Variants in KRT19 observed in about 807,000 individuals in gnomAD.
KRT19 encodes the protein keratin 19, also known as keratin, type I cytoskeletal 19.
A neutral mutation model predicts 34.6 loss-of-function variants in KRT19; 21 were observed. That is an observed-to-expected ratio of 0.61 (90% CI 0.43 to 0.87). KRT19 has a LOEUF of 0.87. KRT19 is among the 40% of genes least tolerant of loss of function. The pLI, the probability that KRT19 is intolerant of heterozygous loss-of-function variation, is 0.00. For missense variants in KRT19, 514 were observed against 545.7 expected, an observed-to-expected ratio of 0.94 and a Z score of 0.58; for synonymous variants, 240 against 245.8, an observed-to-expected ratio of 0.98 and a Z score of 0.22.
intron 1 of KRT19, among the ~76,000 whole-genome samples, chr17:41,525,917 A>T (rs1430104408): frequency 6.6e-6 from 1 of 152,178 alleles, no homozygotes; most frequent in Non-Finnish European, 1.5e-5. Context: ...CTCATTAGTC[A>T]AGGCACCAGG....
Position 41,524,170 on chromosome 17 carries a change from C to T in KRT19, c.921G>A (p.Glu307=), listed in dbSNP as rs559126197. The stretch of plus-strand genomic sequence containing the variant: ...TGCTCAGCTGTGACTGCAGCTCAAT[C>T]TCAAGACCCTGAAGGGTGCGCCGCA... ...TDLRRTLQGL[E]IELQSQLSMK... The change falls in exon 5 of 6, where the codon GAG becomes GAA. Residue 307 remains glutamate, a synonymous_variant. Transcript: ENST00000361566. The T allele has an allele frequency of 3.1e-6, 5 of 1,614,058 alleles. No homozygotes were observed. The East Asian group carries it at 1.1e-4, about 36-fold the overall frequency.
Position 41,524,483 on chromosome 17 carries a change from C to T in KRT19, c.718G>A (p.Ala240Thr), listed in dbSNP as rs374424990. 4 of 1,614,104 alleles carry T rather than the reference C, an allele frequency of 2.5e-6. No homozygotes were observed. The highest frequency in any genetic ancestry group is 1.1e-5 in the South Asian group (1 of 91,078). Residue 240 changes from alanine to threonine, a missense_variant, in exon 4 of 6, where the codon GCT (alanine) becomes ACT (threonine). By Grantham distance (58) the Ala-to-Thr change is moderately conservative (BLOSUM62 0). Transcript: ENST00000361566. ...GGQVSVEVDS[A>T]PGTDLAKILS... is the part of the protein sequence containing the mutation. ...ATCTTGGCGAGATCGGTGCCCGGAGCGGAATCCACCTCCACACTGACCTGG... is the reference window on the plus strand; with the variant it reads ...ATCTTGGCGAGATCGGTGCCCGGAGTGGAATCCACCTCCACACTGACCTGG...
Position 41,524,970 on chromosome 17 carries a change from C to T in KRT19, c.533G>A (p.Ser178Asn). The change falls in exon 3 of 6, where the codon AGC (serine) becomes AAC (asparagine). Residue 178 changes from serine to asparagine, a missense_variant. Physicochemically the swap from Ser to Asn is conservative, Grantham distance 46 (BLOSUM62 1). Transcript: ENST00000361566. ...KFETEQALRM[S>N]VEADINGLRR... ...CAGGCCGTTGATGTCGGCCTCCACG[C>T]TCATGCGCAGAGCCTGTTCCGTCTC... 1 of 1,614,272 alleles carries T rather than the reference C, an allele frequency of 6.2e-7. No individual in the cohort carries two copies. Among genetic ancestry groups the T allele is most frequent in the Non-Finnish European group, 8.5e-7 (1 of 1,180,052 alleles).
In KRT19 at chr17:41,525,229, G is replaced by T; in HGVS notation, c.465C>A (p.Ile155=). The change falls in exon 2 of 6, where the codon ATC becomes ATA. Residue 155 remains isoleucine (I), a synonymous_variant. Transcript: ENST00000361566. ...CATCTGCAGCCAGACGGGCATTGTC[G>T]ATCTGCAGGACAATCCTGGAGTTCT... ...TIENSRIVLQ[I]DNARLAADDF... is the part of the protein sequence containing the mutation. The T allele has an allele frequency of 6.2e-7, 1 of 1,613,836 alleles. No individual in the cohort carries two copies. Among genetic ancestry groups the T allele is most frequent in the Non-Finnish European group, 8.5e-7 (1 of 1,179,752 alleles).
In KRT19 at chr17:41,528,264, G is replaced by C; in HGVS notation, c.-17C>G. ...GGAAGTCATGGCGAGGCGGAGCACGGACGGAGCAACCCTGGTCTCAGAAGC... is the reference window on the plus strand; with the variant it reads ...GGAAGTCATGGCGAGGCGGAGCACGCACGGAGCAACCCTGGTCTCAGAAGC... On this transcript the variant is annotated 5_prime_UTR_variant, in exon 1 of 6. Transcript: ENST00000361566. 1.3e-6 allele frequency: 2 copies of C among 1,540,336 alleles called. No individual in the cohort carries two copies. The highest frequency in any genetic ancestry group is 1.7e-6 in the Non-Finnish European group (2 of 1,152,874).
chr17:41,528,009 T>C lies in KRT19; in HGVS notation c.239A>G (p.Glu80Gly). Residue 80 changes from glutamate (E) to glycine (G), a missense_variant, in exon 1 of 6, where the codon GAG becomes GGG. Physicochemically the swap from Glu to Gly is moderately conservative, Grantham distance 98 (BLOSUM62 -2). Transcript: ENST00000361566. ...TASDGLLAGNEKLTMQNLNDR... is the reference protein window; with the variant it reads ...TASDGLLAGNGKLTMQNLNDR... ...GTTGAGGTTCTGCATGGTTAGCTTC[T>C]CGTTGCCCGCCAGCAGCCCGTCGGA... is the stretch of plus-strand genomic sequence containing the variant. 1 of 1,613,174 alleles carries C rather than the reference T, an allele frequency of 6.2e-7. No individual in the cohort carries two copies. The highest frequency in any genetic ancestry group is 1.1e-5 in the South Asian group (1 of 91,046).
At chr17:41,524,753 T>C in intron 3 of KRT19, 90 bp downstream of exon 3, 1 of 1,468,678 alleles carries the variant, frequency 6.8e-7, no homozygotes, top group Non-Finnish European at 9.4e-7. Context: ...GTGCACCAAG[T>C]GTTACCACGG....
chr17:41,525,340 A>G, intron 1 of KRT19, 67 bp from the exon 2 acceptor site: 2 of 1,163,510 alleles, frequency 1.7e-6, no homozygotes, highest in Admixed American at 1.7e-5. Context: ...CTTTCTTCCC[A>G]GAAGAGAGAG....
In KRT19 at chr17:41,524,926, G is replaced by C; in HGVS notation, c.577C>G (p.Leu193Val). The change falls in exon 3 of 6, where the codon CTG (leucine) becomes GTG (valine). Residue 193 changes from leucine to valine, a missense_variant. Physicochemically the swap from Leu to Val is conservative, Grantham distance 32. Coordinates refer to ENST00000361566, the MANE Select transcript of KRT19 (RefSeq NM_002276.5). ...TCCAGGTCGGTCCTGGCCAGGGTCA[G>C]CTCATCCAGCACCCTGCGCAGGCCG... ...INGLRRVLDE[L>V]TLARTDLEMQ... 1 of 1,614,228 alleles carries C rather than the reference G, an allele frequency of 6.2e-7. No individual in the cohort carries two copies. The highest frequency in any genetic ancestry group is 1.3e-5 in the African/African-American group (1 of 75,066).
chr17:41,527,802 C>T (rs1255014410), intron 1 of KRT19, 26 bp downstream of exon 1: 2 of 1,549,148 alleles, frequency 1.3e-6, no homozygotes, highest in East Asian at 2.3e-5. Flanking sequence ...GTGCACTGCA[C>T]TTCCCGCGGC....
In KRT19 at chr17:41,528,109, C is replaced by T. The variant is rs1597782769; in HGVS notation, c.139G>A (p.Val47Met). 1 of 1,609,306 alleles carries T rather than the reference C, an allele frequency of 6.2e-7. No homozygotes were observed. Among genetic ancestry groups the T allele is most frequent in the African/African-American group, 1.3e-5 (1 of 74,934 alleles). Residue 47 changes from valine (V) to methionine (M), a missense_variant, in exon 1 of 6, where the codon GTG becomes ATG. Transcript: ENST00000361566. ...GAGGACACAAAGCGGGCGGAGGACA[C>T]GGATACGCCGCGGCCGCCGGAGCCC... ...HGGSGGRGVS[V>M]SSARFVSSSS...
rs373128516 is a variant in KRT19 at position 41,524,942 on chromosome 17, G to C, written c.561C>G (p.Arg187=). 1.9e-6 allele frequency: 3 copies of C among 1,614,100 alleles called. No individual in the cohort carries two copies. In the African/African-American group the frequency reaches 4.0e-5, roughly 22 times the overall value. The change falls in exon 3 of 6, where the codon CGC becomes CGG. Residue 187 remains arginine (R), a synonymous_variant. Transcript: ENST00000361566. The part of the protein sequence containing the change: ...MSVEADINGL[R]RVLDELTLAR... Reference sequence around the variant, plus strand: ...CCAGGGTCAGCTCATCCAGCACCCTGCGCAGGCCGTTGATGTCGGCCTCCA... The same window carrying C: ...CCAGGGTCAGCTCATCCAGCACCCTCCGCAGGCCGTTGATGTCGGCCTCCA...
At chr17:41,525,639 T>A (rs1905839037) in intron 1 of KRT19, 2 of 230,970 alleles carry the variant, frequency 8.7e-6, no homozygotes, top group African/African-American at 4.9e-5. Context: ...ATGCGAAGCA[T>A]ATTTTGCCCC....
chr17:41,524,553 A>G lies in KRT19; in HGVS notation c.661-13T>C. The G allele has an allele frequency of 6.2e-7, 1 of 1,613,678 alleles. No homozygotes were observed. Among genetic ancestry groups the G allele is most frequent in the Non-Finnish European group, 8.5e-7 (1 of 1,179,720 alleles). ...GCGTACTGATTTCCTGTAAAGATAC[A>G]GCAGAGATGGGCATGTCAGGGCCCA... On this transcript the variant is annotated splice_polypyrimidine_tract_variant and intron_variant, in intron 3 of 5. Transcript: ENST00000361566.
At chr17:41,526,116 C>T (rs1456912210) in intron 1 of KRT19, among the ~76,000 whole-genome samples, 4 of 152,008 alleles carry the variant, frequency 2.6e-5, no homozygotes, top group African/African-American at 4.8e-5. Flanking sequence ...GGACTACAGG[C>T]GCCCTCCACC....
At chr17:41,524,761 C>A in intron 3 of KRT19, 82 bp downstream of exon 3, 2 of 1,505,608 alleles carry the variant, frequency 1.3e-6, no homozygotes, top group Non-Finnish European at 1.8e-6. Flanking sequence ...AGTGTTACCA[C>A]GGTCAGAGAA....
chr17:41,527,739 C>A, intron 1 of KRT19, 89 bp downstream of exon 1: 1 of 1,425,840 alleles, frequency 7.0e-7, no homozygotes. Flanking sequence ...GGCTCCTGCC[C>A]GCCGCCCCGC....
intron 5 of KRT19, 63 bp downstream of exon 5, chr17:41,524,080 C>T (rs910122048): frequency 2.4e-5 from 39 of 1,600,298 alleles, no homozygotes; most frequent in Non-Finnish European, 3.3e-5. Flanking sequence ...CCAGGCTGCC[C>T]TAGGCTGCAA....
intron 1 of KRT19, among the ~76,000 whole-genome samples, chr17:41,527,369 G>A (rs1468108334): frequency 6.6e-6 from 1 of 152,260 alleles, no homozygotes; most frequent in African/African-American, 2.4e-5. Context: ...CGGAATGCAG[G>A]AGGCCCTACG....
Sources: gnomAD v4.1 joint callset for allele counts (sites outside exome capture counted in the v4.1 genomes callset) on GRCh38, gnomAD v4.1.1 for gene constraint, MANE v1.5 for transcripts, NCBI Gene and HGNC (gene_info 2026-07-23, HGNC 2026-07-21) for gene names.